DDX60: variants seen among roughly 807,000 people sequenced by gnomAD.
The protein encoded by DDX60 is probable ATP-dependent RNA helicase DDX60.
DDX60 carries 165 observed loss-of-function variants against 212.8 expected under a neutral mutation model. The observed-to-expected ratio is 0.78, with a 90% CI of 0.68 to 0.88. DDX60 has a LOEUF of 0.88. Ranked by LOEUF, DDX60 falls within the 40% of genes least tolerant of loss-of-function variation. The probability of loss-of-function intolerance (pLI) is 0.00; values close to 1 mark genes in which losing one functional copy is unlikely to be tolerated. For missense variants in DDX60, 1,905 were observed against 2,003.9 expected (o/e 0.95, Z 0.94); for synonymous variants, 703 against 685.3 (o/e 1.03, Z -0.40).
At chr4:168,241,963 G>T (rs1009476110) in intron 30 of DDX60, among the ~76,000 whole-genome samples, 2 of 152,152 alleles carry the variant, frequency 1.3e-5, no homozygotes, top group African/African-American at 4.8e-5. Context: ...GCTGTGTAAA[G>T]TCTAGGAACC....
chr4:168,228,133 G>C (rs933093395), intron 33 of DDX60, among the ~76,000 whole-genome samples: 2 of 152,094 alleles, frequency 1.3e-5, no homozygotes, highest in Admixed American at 1.3e-4. Context: ...AACCTGTACA[G>C]CATGTTACTG....
chr4:168,229,393 G>A (rs763170979), intron 33 of DDX60, among the ~76,000 whole-genome samples: 11 of 152,110 alleles, frequency 7.2e-5, no homozygotes, highest in African/African-American at 1.7e-4. Flanking sequence ...TTGTCTCACA[G>A]GGGTCCTTGG....
intron 1 of DDX60, among the ~76,000 whole-genome samples, chr4:168,314,284 G>A (rs1468562119): frequency 2.0e-5 from 3 of 151,734 alleles, no homozygotes; most frequent in Non-Finnish European, 4.4e-5. Context: ...AGACATGCTA[G>A]AGATCCAGCC....
rs371371496 is a variant in DDX60 at position 168,308,212 on chromosome 4, T to C, written c.75-17A>G. On this transcript the variant is annotated splice_polypyrimidine_tract_variant and intron_variant, in intron 3 of 37. Coordinates refer to ENST00000393743, the MANE Select transcript of DDX60 (RefSeq NM_017631.6). ...CTGGAATATCTAAAATGAAAAACAG[T>C]TAAAACAAAAATCACATATGCATTA... The C allele has an allele frequency of 1.4e-6, 2 of 1,454,696 alleles. No homozygotes were observed. Among genetic ancestry groups the C allele is most frequent in the African/African-American group, 1.4e-5 (1 of 69,660 alleles). 90.1% of individuals were successfully genotyped at this position (1,454,696 alleles called of 1,614,324 possible).
intron 5 of DDX60, among the ~76,000 whole-genome samples, chr4:168,303,640 G>A (rs568540767): frequency 6.6e-6 from 1 of 152,296 alleles, no homozygotes; most frequent in South Asian, 2.1e-4. Context: ...CACTACTCAA[G>A]TGTTCATGAG....
intron 32 of DDX60, among the ~76,000 whole-genome samples, 177 bp downstream of exon 32, chr4:168,237,109 G>A (rs1328763452): frequency 2.6e-5 from 4 of 151,660 alleles, no homozygotes; most frequent in African/African-American, 9.7e-5. Flanking sequence ...AAACATGGCT[G>A]ACTATCATTT....
At chr4:168,217,783 T>C (rs1732901554) in intron 37 of DDX60, among the ~76,000 whole-genome samples, 1 of 152,114 alleles carries the variant, frequency 6.6e-6, no homozygotes, top group African/African-American at 2.4e-5. Context: ...AGCCAAGGAA[T>C]GCCGGCAGCC....
chr4:168,222,910 C>T (rs1733111729), intron 35 of DDX60, among the ~76,000 whole-genome samples: 1 of 152,002 alleles, frequency 6.6e-6, no homozygotes, highest in Non-Finnish European at 1.5e-5. Flanking sequence ...TTGATATTCA[C>T]ACTACAAAAT....
At chr4:168,244,884 A>G (rs1473216652) in intron 30 of DDX60, among the ~76,000 whole-genome samples, 1 of 152,196 alleles carries the variant, frequency 6.6e-6, no homozygotes, top group Non-Finnish European at 1.5e-5. Context: ...CTCATAAAAA[A>G]AAATAGCAAT....
chr4:168,267,321 G>A (rs1032140860), intron 22 of DDX60, among the ~76,000 whole-genome samples: 5 of 152,086 alleles, frequency 3.3e-5, no homozygotes, highest in East Asian at 1.9e-4. Flanking sequence ...GAAAACATCC[G>A]AGAATAAATA....
intron 1 of DDX60, among the ~76,000 whole-genome samples, chr4:168,312,829 A>C (rs1480332957): frequency 6.6e-6 from 1 of 151,660 alleles, no homozygotes; most frequent in Non-Finnish European, 1.5e-5. Context: ...AAATATTACA[A>C]TAATAATGCA....
At chr4:168,228,585 T>C (rs539195884) in intron 33 of DDX60, among the ~76,000 whole-genome samples, 4 of 152,204 alleles carry the variant, frequency 2.6e-5, no homozygotes, top group African/African-American at 9.6e-5. Context: ...TTCTTAATCT[T>C]CCAAAATTTT....
At position 168,261,049 on chromosome 4, in the gene DDX60, T is replaced by C. The variant is rs1244018340; in HGVS notation, c.3274-60A>G. 5.2e-6 allele frequency: 8 copies of C among 1,534,488 alleles called. No individual in the cohort carries two copies. In the East Asian group the frequency reaches 1.8e-4, roughly 35 times the overall value. On this transcript the variant is annotated intron_variant, in intron 24 of 37. Coordinates refer to ENST00000393743, the MANE Select transcript of DDX60 (RefSeq NM_017631.6). ...GCATGAGAAAGAAAGAAATTACTACTTTTTGCTAAAATATTTTCATAGTTG... is the reference window on the plus strand; with the variant it reads ...GCATGAGAAAGAAAGAAATTACTACCTTTTGCTAAAATATTTTCATAGTTG...
At chr4:168,322,405 C>T (rs1348926446), upstream of DDX60, among the ~76,000 whole-genome samples, 1 of 152,164 alleles carries the variant, frequency 6.6e-6, no homozygotes, top group Non-Finnish European at 1.5e-5. Flanking sequence ...AGTCTCTTGA[C>T]TCTTCCATTT....
intron 33 of DDX60, among the ~76,000 whole-genome samples, chr4:168,233,910 T>C (rs1200780681): frequency 6.6e-6 from 1 of 152,114 alleles, no homozygotes; most frequent in African/African-American, 2.4e-5. Flanking sequence ...AAAGTATCTT[T>C]GATATAAGTA....
chr4:168,297,384 G>A (rs200595429), intron 6 of DDX60, among the ~76,000 whole-genome samples: 31 of 71,222 alleles, frequency 4.4e-4, no homozygotes, highest in South Asian at 1.4e-3. Flanking sequence ...GAAAGAAAGA[G>A]AAAGAAAGAA....
intron 1 of DDX60, among the ~76,000 whole-genome samples, chr4:168,317,688 A>G (rs1021408145): frequency 1.3e-5 from 2 of 152,144 alleles, no homozygotes; most frequent in South Asian, 2.1e-4. Flanking sequence ...ATTCGGTTAT[A>G]TTATGTAAGA....
intron 13 of DDX60, among the ~76,000 whole-genome samples, chr4:168,281,381 C>A (rs1451843756): frequency 6.6e-6 from 1 of 152,210 alleles, no homozygotes; most frequent in Non-Finnish European, 1.5e-5. Flanking sequence ...CCTATTGAAG[C>A]ACTCATTAAC....
chr4:168,235,335 C>G (rs1345786448), intron 33 of DDX60, among the ~76,000 whole-genome samples: 1 of 151,770 alleles, frequency 6.6e-6, no homozygotes, highest in Non-Finnish European at 1.5e-5. Flanking sequence ...GTGTAGTACC[C>G]CAACATTTCA....
Sources: allele counts gnomAD v4.1 joint callset (sites outside exome capture counted in the v4.1 genomes callset), GRCh38; gene constraint gnomAD v4.1.1; transcripts MANE v1.5; gene names NCBI Gene and HGNC (gene_info 2026-07-23, HGNC 2026-07-21).